The following DPF3 variants were observed in gnomAD, a reference collection of about 807,000 sequenced individuals.
DPF3 encodes zinc finger protein DPF3.
Under a neutral mutation model 56.8 loss-of-function variants are expected in DPF3, and 18 were observed. That is an observed-to-expected ratio of 0.32 (90% confidence interval 0.22 to 0.47). The LOEUF is 0.47. Ranked by LOEUF, DPF3 falls within the 20% of genes least tolerant of loss-of-function variation. DPF3 has a pLI of 1.00. For missense variants in DPF3, 403 were observed against 488.8 expected, an observed-to-expected ratio of 0.82 and a Z score of 1.65; for synonymous variants, 188 against 180.2, an observed-to-expected ratio of 1.04 and a Z score of -0.35.
chr14:72,766,291 G>T (rs1016093254), intron 2 of DPF3, among the ~76,000 whole-genome samples: 3 of 152,088 alleles, frequency 2.0e-5, no homozygotes, highest in African/African-American at 7.2e-5. Context: ...TAAATATCCT[G>T]GACATTATTC....
intron 7 of DPF3, among the ~76,000 whole-genome samples, chr14:72,678,127 A>G (rs1409776738): frequency 6.6e-6 from 1 of 152,204 alleles, no homozygotes; most frequent in East Asian, 1.9e-4. Context: ...TGAAATCCAA[A>G]GAGATTAAAG....
chr14:72,625,128 T>G (rs901984963), intron 9 of DPF3, among the ~76,000 whole-genome samples: 2 of 152,218 alleles, frequency 1.3e-5, no homozygotes, highest in Non-Finnish European at 2.9e-5. Context: ...ATCATACTTT[T>G]GCCCACTAAT....
intron 6 of DPF3, among the ~76,000 whole-genome samples, chr14:72,695,199 G>C (rs920738857): frequency 1.3e-5 from 2 of 152,184 alleles, no homozygotes; most frequent in Admixed American, 1.3e-4. Context: ...ATCTGAAAAT[G>C]AGGATAACAG....
At chr14:72,803,299 C>T (rs1053242734) in intron 1 of DPF3, among the ~76,000 whole-genome samples, 3 of 152,160 alleles carry the variant, frequency 2.0e-5, no homozygotes, top group African/African-American at 7.2e-5. Flanking sequence ...AGGTAGTCAT[C>T]CCATTCAGAC....
At chr14:72,890,320 T>C (rs773232231) in intron 1 of DPF3, among the ~76,000 whole-genome samples, 14 of 151,796 alleles carry the variant, frequency 9.2e-5, no homozygotes, top group Non-Finnish European at 1.6e-4. Context: ...AGAAACCCCG[T>C]CTCCACTAAA....
chr14:72,843,173 T>C (rs1947133054), intron 1 of DPF3, among the ~76,000 whole-genome samples: 1 of 152,210 alleles, frequency 6.6e-6, no homozygotes, highest in Non-Finnish European at 1.5e-5. Flanking sequence ...AGAAAAGGCA[T>C]TCTGTGAGAA....
At chr14:72,701,589 G>A (rs181120579) in intron 6 of DPF3, among the ~76,000 whole-genome samples, 1 of 152,184 alleles carries the variant, frequency 6.6e-6, no homozygotes, top group Non-Finnish European at 1.5e-5. Flanking sequence ...GGGGCAGCTT[G>A]TGTGAACAAA....
intron 1 of DPF3, among the ~76,000 whole-genome samples, chr14:72,867,634 C>T (rs1360309684): frequency 1.3e-5 from 2 of 152,190 alleles, no homozygotes; most frequent in Non-Finnish European, 2.9e-5. Context: ...TGAAGAGATG[C>T]CCCGCCCTCC....
chr14:72,865,807 G>C (rs543338696), intron 1 of DPF3, among the ~76,000 whole-genome samples: 1 of 152,318 alleles, frequency 6.6e-6, no homozygotes, highest in African/African-American at 2.4e-5. Context: ...AGCCCTTTGG[G>C]AGGCAGAGGC....
chr14:72,733,085 C>T (rs537057854), intron 3 of DPF3, among the ~76,000 whole-genome samples: 1 of 152,244 alleles, frequency 6.6e-6, no homozygotes, highest in Non-Finnish European at 1.5e-5. Flanking sequence ...GCATGAGCCA[C>T]CATCCCCTGC....
rs78006608 is a variant in DPF3, at chr14:72,659,839, C to T, written c.871+14401G>A. Among the ~76,000 whole-genome samples the T allele has an allele frequency of 8.0e-3, 1,221 of 152,272 alleles. 26 individuals carry two copies. The highest frequency in any genetic ancestry group is 0.028 in the African/African-American group (1,161 of 41,532). On this transcript the variant is annotated intron_variant, in intron 8 of 10. Transcript: ENST00000556509. ...AAAAGATACATGGATAAGCTAAATG[C>T]GGTTTACACATGCAATGAAATACTA...
In DPF3 at chr14:72,718,771, A is replaced by ATTTTT. The variant is rs766396428; in HGVS notation, c.526-4275_526-4271dup. On this transcript the variant is annotated intron_variant, in intron 5 of 10. Transcript: ENST00000556509. ...AGAACCACTGCTCTACACCCTTGCT[A>ATTTTT]TTTTTTTTTTTTTTGAGACGGAGTC... Among the ~76,000 whole-genome samples, 4 of 93,894 alleles carry ATTTTT rather than the reference A, an allele frequency of 4.3e-5. 1 individual carries two copies. The Admixed American group carries it at 4.7e-4, about 11-fold the overall frequency. 61.6% of individuals were successfully genotyped at this position (93,894 alleles called of 152,430 possible).
At chr14:72,799,991 A>G (rs112749522) in intron 1 of DPF3, among the ~76,000 whole-genome samples, 8 of 152,334 alleles carry the variant, frequency 5.3e-5, no homozygotes, top group African/African-American at 1.9e-4. Context: ...ACATGAGCCC[A>G]CACATTCCTC....
chr14:72,804,214 C>CACACACACACGCAG lies in DPF3; in HGVS notation c.33-32335_33-32322dup, dbSNP rs1892999868. 8.8e-5 allele frequency among the ~76,000 whole-genome samples: 13 copies of CACACACACACGCAG among 148,022 alleles called. No individual in the cohort carries two copies. The Admixed American group carries it at 9.1e-4, about 10-fold the overall frequency. On this transcript the variant is annotated intron_variant, in intron 1 of 10. Coordinates refer to ENST00000556509, the MANE Select transcript of DPF3 (RefSeq NM_001280542.3). ...ACACACACACACACACACACACACA[C>CACACACACACGCAG]ACACACACACGCAGACAAAGATTCC...
intron 6 of DPF3, among the ~76,000 whole-genome samples, chr14:72,711,039 G>A (rs991686542): frequency 6.6e-6 from 1 of 152,170 alleles, no homozygotes; most frequent in Non-Finnish European, 1.5e-5. Context: ...ATTTTGCAAA[G>A]GAAGCTTGGA....
In DPF3 at chr14:72,691,781, C is replaced by T. The variant is rs148159720; in HGVS notation, c.742+1295G>A. Among the ~76,000 whole-genome samples the T allele has an allele frequency of 2.7e-3, 417 of 152,038 alleles. 1 individual carries two copies. The highest frequency in any genetic ancestry group is 9.1e-3 in the African/African-American group (379 of 41,482). The stretch of plus-strand genomic sequence containing the variant: ...GGACACAAAAGCAGATGCCACAGCA[C>T]GCATGCACAGAGGGATAACTGTGCG... On this transcript the variant is annotated intron_variant, in intron 7 of 10. Transcript: ENST00000556509.
chr14:72,615,384 T>C lies in DPF3; in HGVS notation c.*3913A>G, dbSNP rs1408959921. On this transcript the variant is annotated 3_prime_UTR_variant, in exon 11 of 11. Transcript: ENST00000556509. ...CCTCCACTTGCCCCGAAAGGAAAAG[T>C]AATAACAATCATCTCATTTTTCTTC... Among the ~76,000 whole-genome samples the C allele has an allele frequency of 6.6e-6, 1 of 152,182 alleles. No individual in the cohort carries two copies. The highest frequency in any genetic ancestry group is 1.9e-4 in the East Asian group (1 of 5,194).
intron 1 of DPF3, among the ~76,000 whole-genome samples, chr14:72,863,385 G>A (rs1007490770): frequency 6.6e-6 from 1 of 151,744 alleles, no homozygotes; most frequent in Admixed American, 6.6e-5. Context: ...CCACCCACAA[G>A]TTTCAGGGGA....
intron 1 of DPF3, among the ~76,000 whole-genome samples, chr14:72,847,403 C>A (rs1884802018): frequency 6.6e-6 from 1 of 152,192 alleles, no homozygotes; most frequent in African/African-American, 2.4e-5. Context: ...TTGACAGGAG[C>A]ATTTACCTCA....
Sources: allele counts gnomAD v4.1 joint callset (sites outside exome capture counted in the v4.1 genomes callset), GRCh38; gene constraint gnomAD v4.1.1; transcripts MANE v1.5; gene names NCBI Gene and HGNC (gene_info 2026-07-23, HGNC 2026-07-21).